TUSC3: variants seen among roughly 807,000 people sequenced by gnomAD.
TUSC3 encodes tumor suppressor candidate 3.
Under a neutral mutation model 44.8 loss-of-function variants are expected in TUSC3, and 45 were observed. The ratio of observed to expected loss-of-function variants is 1.00; its 90% CI spans 0.79 to 1.29. The LOEUF is 1.29. Ranked by LOEUF, TUSC3 falls within the 50% of genes most tolerant of loss-of-function variation. The pLI is 0.00. For missense variants in TUSC3, 519 were observed against 437.9 expected, an observed-to-expected ratio of 1.19 and a Z score of -1.65; for synonymous variants, 212 against 152.9, an observed-to-expected ratio of 1.39 and a Z score of -2.85.
intron 7 of TUSC3, among the ~76,000 whole-genome samples, chr8:15,741,105 C>T (rs937727310): frequency 4.0e-5 from 6 of 151,744 alleles, no homozygotes; most frequent in African/African-American, 1.5e-4. Context: ...GTAAAATATA[C>T]TTTTCCCTGA....
chr8:15,710,498 A>C (rs950158407), intron 6 of TUSC3, among the ~76,000 whole-genome samples: 2 of 147,320 alleles, frequency 1.4e-5, no homozygotes, highest in African/African-American at 5.0e-5. Flanking sequence ...AAATAAGCAG[A>C]TTCATTGAAT....
the TUSC3 span, among the ~76,000 whole-genome samples, chr8:15,800,925 C>A: frequency 6.6e-6 from 1 of 152,280 alleles, no homozygotes; most frequent in Admixed American, 6.5e-5. Flanking sequence ...TTTCTGGTCA[C>A]TTAATCATCT....
the TUSC3 span, among the ~76,000 whole-genome samples, chr8:15,820,754 T>G: frequency 6.6e-6 from 1 of 152,246 alleles, no homozygotes; most frequent in Non-Finnish European, 1.5e-5. Context: ...TTATTTCTTC[T>G]TTGATTATTG....
chr8:15,813,270 T>C, the TUSC3 span, among the ~76,000 whole-genome samples: 431 of 152,214 alleles, frequency 2.8e-3, 10 homozygotes, highest in East Asian at 0.076. Context: ...AAAATGTTTC[T>C]GAAAGTTCTT....
At chr8:15,769,552 T>C (rs1358262725), downstream of TUSC3, among the ~76,000 whole-genome samples, 1 of 152,142 alleles carries the variant, frequency 6.6e-6, no homozygotes. Flanking sequence ...CCAAAATCAA[T>C]GGCAACAAAT....
At chr8:15,849,327 C>A in the TUSC3 span, among the ~76,000 whole-genome samples, 1 of 152,092 alleles carries the variant, frequency 6.6e-6, no homozygotes, top group Non-Finnish European at 1.5e-5. Flanking sequence ...CATTTAGAGT[C>A]ACATTTACTT....
At chr8:15,751,598 C>T (rs1811706754) in intron 9 of TUSC3, among the ~76,000 whole-genome samples, 2 of 152,172 alleles carry the variant, frequency 1.3e-5, no homozygotes, top group African/African-American at 4.8e-5. Context: ...ACCCTTTGGA[C>T]TCCTTGGAGG....
intron 6 of TUSC3, among the ~76,000 whole-genome samples, chr8:15,703,497 G>A (rs947817414): frequency 2.0e-5 from 3 of 151,970 alleles, no homozygotes; most frequent in Non-Finnish European, 2.9e-5. Context: ...GTTGTCTTTG[G>A]CCATTTGGGT....
chr8:15,494,264 T>C (rs1045570939), intron 2 of TUSC3, among the ~76,000 whole-genome samples: 1 of 152,094 alleles, frequency 6.6e-6, no homozygotes, highest in Non-Finnish European at 1.5e-5. Flanking sequence ...CATGTAGCAA[T>C]ATTTTTTACT....
intron 1 of TUSC3, among the ~76,000 whole-genome samples, chr8:15,428,381 T>A (rs962047961): frequency 6.6e-6 from 1 of 151,962 alleles, no homozygotes; most frequent in Non-Finnish European, 1.5e-5. Flanking sequence ...GTTGGACATT[T>A]GGGTTGGTTC....
intron 5 of TUSC3, among the ~76,000 whole-genome samples, chr8:15,669,403 A>G (rs1290160041): frequency 6.6e-6 from 1 of 151,830 alleles, no homozygotes; most frequent in African/African-American, 2.4e-5. Flanking sequence ...AAGCAAGACT[A>G]ACTTTGATTC....
At chr8:15,491,635 A>G (rs536370028) in intron 2 of TUSC3, among the ~76,000 whole-genome samples, 2 of 152,206 alleles carry the variant, frequency 1.3e-5, no homozygotes, top group East Asian at 3.9e-4. Context: ...TGATTCTCTA[A>G]CCCTTCTGTG....
At chr8:15,474,804 C>T (rs922861628) in intron 1 of TUSC3, among the ~76,000 whole-genome samples, 3 of 152,114 alleles carry the variant, frequency 2.0e-5, no homozygotes, top group South Asian at 2.1e-4. Context: ...GTGTTTATTT[C>T]ACAGTCCCAC....
chr8:15,662,067 T>C (rs1807448054), intron 4 of TUSC3, 89 bp from the exon 5 acceptor site: 1 of 1,453,544 alleles, frequency 6.9e-7, no homozygotes, highest in African/African-American at 1.4e-5. Flanking sequence ...TCTGAGTTCT[T>C]TGCGTTGAAA....
Position 15,424,533 on chromosome 8 carries a change from C to T in TUSC3, n.91+7228C>T, listed in dbSNP as rs112931558. ...GCAAACAAAAATGACATCTGCCCAC[C>T]GCAGCAGACCCAGAACTACCATCAT... On this transcript the variant is annotated intron_variant and non_coding_transcript_variant, in intron 1 of 5. Transcript: ENST00000503191. Among the ~76,000 whole-genome samples the T allele has an allele frequency of 5.4e-3, 820 of 152,196 alleles. 12 individuals are homozygous for T. Among genetic ancestry groups the T allele is most frequent in the African/African-American group, 0.019 (787 of 41,530 alleles).
chr8:15,797,274 G>A, the TUSC3 span, among the ~76,000 whole-genome samples: 1 of 152,186 alleles, frequency 6.6e-6, no homozygotes, highest in Non-Finnish European at 1.5e-5. Context: ...CAATATAAAG[G>A]ACAAGTGGAA....
the TUSC3 span, among the ~76,000 whole-genome samples, chr8:15,813,236 A>T: frequency 3.3e-5 from 5 of 152,210 alleles, no homozygotes; most frequent in African/African-American, 1.2e-4. Context: ...GCCAAGTAAA[A>T]TGCAGTGTGG....
intron 1 of TUSC3, among the ~76,000 whole-genome samples, chr8:15,566,711 C>G (rs1178761676): frequency 6.6e-6 from 1 of 151,820 alleles, no homozygotes. Flanking sequence ...CCACAACCAA[C>G]CTCCTAGGCT....
At chr8:15,786,967 A>G in the TUSC3 span, among the ~76,000 whole-genome samples, 1 of 141,220 alleles carries the variant, frequency 7.1e-6, no homozygotes, top group African/African-American at 2.7e-5. Context: ...AAAAAAAAAG[A>G]CTAGAGTGGC....
Sources: gnomAD v4.1 joint callset for allele counts (sites outside exome capture counted in the v4.1 genomes callset) on GRCh38, gnomAD v4.1.1 for gene constraint, MANE v1.5 for transcripts, NCBI Gene and HGNC (gene_info 2026-07-23, HGNC 2026-07-21) for gene names.